FOXP1: variants seen among roughly 807,000 people sequenced by gnomAD.
FOXP1 encodes the protein forkhead box P1.
FOXP1 carries 15 observed loss-of-function variants against 98.2 expected under a neutral mutation model. That is an observed-to-expected ratio of 0.15 (90% CI 0.10 to 0.24). FOXP1 has a LOEUF of 0.24. FOXP1 is among the 10% of genes least tolerant of loss of function. The pLI, the probability that FOXP1 is intolerant of heterozygous loss-of-function variation, is 1.00. For missense variants in FOXP1, 633 were observed against 848.5 expected (o/e 0.75, Z 3.15); for synonymous variants, 371 against 314.5 (o/e 1.18, Z -1.90).
At chr3:70,973,322 C>T (rs562349207) in intron 17 of FOXP1, among the ~76,000 whole-genome samples, 48 of 138,402 alleles carry the variant, frequency 3.5e-4, no homozygotes, top group African/African-American at 1.2e-3. Context: ...TTGGCCCTAA[C>T]TATCGGCAAG....
intron 7 of FOXP1, among the ~76,000 whole-genome samples, chr3:71,063,172 T>C (rs529175637): frequency 6.6e-6 from 1 of 152,350 alleles, no homozygotes; most frequent in East Asian, 1.9e-4. Flanking sequence ...CAGTCTGTAT[T>C]TTGGTTTCAT....
intron 20 of FOXP1, 66 bp from the exon 21 acceptor site, chr3:70,959,457 A>G: frequency 6.3e-7 from 1 of 1,595,448 alleles, no homozygotes; most frequent in South Asian, 1.1e-5. Context: ...GGTGCACTGA[A>G]AAGTTTGGGG....
chr3:71,460,034 C>T (rs987724892), intron 3 of FOXP1, among the ~76,000 whole-genome samples: 3 of 147,994 alleles, frequency 2.0e-5, no homozygotes, highest in East Asian at 2.1e-4. Context: ...CCCGGGTTCA[C>T]GCCATTTTCC....
chr3:70,985,845 A>G (rs2039640181), intron 14 of FOXP1, among the ~76,000 whole-genome samples: 2 of 152,178 alleles, frequency 1.3e-5, no homozygotes, highest in South Asian at 2.1e-4. Context: ...TAGCTGTCAA[A>G]GGTTTGACTT....
intron 16 of FOXP1, 105 bp from the exon 17 acceptor site, chr3:70,977,147 C>T (rs980561969): frequency 1.2e-6 from 1 of 802,924 alleles, no homozygotes; most frequent in Non-Finnish European, 2.2e-6. Flanking sequence ...GAGCTAAATC[C>T]TGAGAAAGGT....
chr3:71,397,362 T>G (rs568870101), intron 3 of FOXP1, among the ~76,000 whole-genome samples: 1 of 152,068 alleles, frequency 6.6e-6, no homozygotes, highest in African/African-American at 2.4e-5. Flanking sequence ...TGGATGAGCA[T>G]TTATAATCTG....
intron 5 of FOXP1, among the ~76,000 whole-genome samples, chr3:71,229,049 G>T (rs570217036): frequency 6.6e-6 from 1 of 151,596 alleles, no homozygotes; most frequent in African/African-American, 2.4e-5. Flanking sequence ...GGGAAAGTTG[G>T]CCTTTTAAGG....
intron 6 of FOXP1, among the ~76,000 whole-genome samples, chr3:71,167,337 C>T (rs2061440446): frequency 6.6e-6 from 1 of 152,138 alleles, no homozygotes; most frequent in Non-Finnish European, 1.5e-5. Flanking sequence ...TTGCGTTTCC[C>T]CATCTATAAC....
intron 4 of FOXP1, among the ~76,000 whole-genome samples, chr3:71,306,783 A>AC (rs1353598862): frequency 6.6e-6 from 1 of 152,266 alleles, no homozygotes; most frequent in East Asian, 1.9e-4. Context: ...TAAAAACATT[A>AC]CCCCCATATT....
At chr3:71,076,155 T>TGTCTCCAGAAAGGCTGGCTTTCAATGTA (rs2053787659) in intron 7 of FOXP1, among the ~76,000 whole-genome samples, 1 of 152,160 alleles carries the variant, frequency 6.6e-6, no homozygotes, top group African/African-American at 2.4e-5. Context: ...CGGTGGAGCC[T>TGTCTCCAGAAAGGCTGGCTTTCAATGTA]GTCTCCAGAA....
chr3:71,491,023 A>C (rs1247880553), intron 3 of FOXP1, among the ~76,000 whole-genome samples: 1 of 151,968 alleles, frequency 6.6e-6, no homozygotes, highest in Non-Finnish European at 1.5e-5. Context: ...TTTTATTATT[A>C]TTATTATTTT....
intron 11 of FOXP1, chr3:71,040,454 A>T (rs571760571): frequency 3.9e-5 from 6 of 152,154 alleles, no homozygotes; most frequent in African/African-American, 1.4e-4. Context: ...AAAGTTTTCA[A>T]TTTTAGGGGC....
intron 13 of FOXP1, among the ~76,000 whole-genome samples, chr3:70,996,119 T>C (rs1169149900): frequency 6.6e-6 from 1 of 152,190 alleles, no homozygotes; most frequent in East Asian, 1.9e-4. Flanking sequence ...CCTGTGTAGC[T>C]GGGATTACAG....
At chr3:71,052,212 C>G (rs1178698052) in intron 9 of FOXP1, among the ~76,000 whole-genome samples, 3 of 152,040 alleles carry the variant, frequency 2.0e-5, no homozygotes, top group African/African-American at 7.2e-5. Flanking sequence ...TAAAATTTTC[C>G]TGAAAGCACT....
intron 4 of FOXP1, among the ~76,000 whole-genome samples, chr3:71,321,839 T>C (rs1219873026): frequency 6.6e-6 from 1 of 152,146 alleles, no homozygotes; most frequent in African/African-American, 2.4e-5. Flanking sequence ...GCCAGGATGG[T>C]CTTGATCTCC....
chr3:71,351,544 A>G (rs2077779403), intron 4 of FOXP1, among the ~76,000 whole-genome samples: 1 of 152,174 alleles, frequency 6.6e-6, no homozygotes, highest in South Asian at 2.1e-4. Flanking sequence ...CAGCTTATAA[A>G]CCTATAATTC....
chr3:71,328,968 T>G, intron 4 of FOXP1, among the ~76,000 whole-genome samples: 1 of 74,012 alleles, frequency 1.4e-5, no homozygotes, highest in African/African-American at 4.6e-5. Flanking sequence ...CGAAACTCCA[T>G]CTCGCTAAAA....
At position 70,957,736 on chromosome 3, in the gene FOXP1, C is replaced by G. The variant is rs1163869128; in HGVS notation, c.*1511G>C. ...CCAAAGCCCAGGGCCTACATGATAT[C>G]TTCTATGAGTTTTTGTGATACTGGG... On this transcript the variant is annotated 3_prime_UTR_variant, in exon 21 of 21. Coordinates refer to ENST00000649528, the MANE Select transcript of FOXP1 (RefSeq NM_001349338.3). 4.3e-6 allele frequency: 1 copy of G among 233,508 alleles called. No individual in the cohort carries two copies. Among genetic ancestry groups the G allele is most frequent in the Non-Finnish European group, 8.5e-6 (1 of 118,100 alleles). The allele number at this position is 233,508 out of a possible 1,614,324, so 14.5% of individuals were successfully genotyped here.
intron 2 of FOXP1, among the ~76,000 whole-genome samples, chr3:71,538,145 A>C (rs752456848): frequency 5.3e-5 from 8 of 152,374 alleles, no homozygotes; most frequent in Middle Eastern, 3.4e-3. Flanking sequence ...AAAGAAATGC[A>C]GACAGATCGT....
Sources: gnomAD v4.1 joint callset for allele counts (sites outside exome capture counted in the v4.1 genomes callset) on GRCh38, gnomAD v4.1.1 for gene constraint, MANE v1.5 for transcripts, NCBI Gene and HGNC (gene_info 2026-07-23, HGNC 2026-07-21) for gene names.